Variants in PDE6C observed in about 807,000 individuals in gnomAD.
PDE6C encodes cone cGMP-specific 3',5'-cyclic phosphodiesterase subunit alpha'.
In PDE6C, 75 loss-of-function variants were observed where a neutral mutation model predicts 113.1. That is an observed-to-expected ratio of 0.66 (90% CI 0.55 to 0.80). PDE6C has a LOEUF of 0.80. Ranked by LOEUF, PDE6C falls within the 30% of genes least tolerant of loss-of-function variation. The pLI is 0.00. For missense variants in PDE6C, 912 were observed against 1,038.6 expected (o/e 0.88, Z 1.67); for synonymous variants, 375 against 363.7 (o/e 1.03, Z -0.35).
chr10:93,655,968 A>G (rs2058636173), intron 16 of PDE6C, 108 bp downstream of exon 16: 2 of 752,224 alleles, frequency 2.7e-6, no homozygotes, highest in East Asian at 2.5e-5. Context: ...ACACACATAC[A>G]CACACACAGA....
chr10:93,623,624 T>C (rs1023611672), intron 4 of PDE6C, among the ~76,000 whole-genome samples: 5 of 152,218 alleles, frequency 3.3e-5, no homozygotes, highest in Admixed American at 3.3e-4. Context: ...CCATTTTGAG[T>C]TATTTTTTGT....
Position 93,658,888 on chromosome 10 carries a change from G to C in PDE6C, c.2037-13G>C, listed in dbSNP as rs765202218. On this transcript the variant is annotated splice_polypyrimidine_tract_variant and intron_variant, in intron 16 of 21. Coordinates refer to ENST00000371447, the MANE Select transcript of PDE6C (RefSeq NM_006204.4). ...TAAGCTAAAATTGTTGCTCACAGCTGTATCTTTTCTAGGAAGAGGACCATG... is the reference window on the plus strand; with the variant it reads ...TAAGCTAAAATTGTTGCTCACAGCTCTATCTTTTCTAGGAAGAGGACCATG... The C allele has an allele frequency of 2.2e-5, 33 of 1,502,084 alleles. No individual in the cohort carries two copies. The highest frequency in any genetic ancestry group is 3.1e-5 in the Non-Finnish European group (33 of 1,078,576). 93.0% of individuals were successfully genotyped at this position (1,502,084 alleles called of 1,614,324 possible).
intron 15 of PDE6C, among the ~76,000 whole-genome samples, chr10:93,652,558 A>G (rs1478438391): frequency 2.0e-5 from 3 of 152,214 alleles, no homozygotes; most frequent in Non-Finnish European, 2.9e-5. Context: ...TCATTATATC[A>G]ATTTTTAAAA....
rs758831935 is a variant in PDE6C at position 93,612,770 on chromosome 10, G to A, written c.45G>A (p.Glu15=). The A allele has an allele frequency of 4.3e-5, 70 of 1,614,054 alleles. No homozygotes were observed. Among genetic ancestry groups the A allele is most frequent in the Middle Eastern group, 1.7e-4 (1 of 6,048 alleles). The change falls in exon 1 of 22, where the codon GAG becomes GAA. Residue 15 remains glutamate (E), a synonymous_variant. Transcript: ENST00000371447. Reference sequence around the variant, plus strand: ...TTGCCGTGGAGAAATACCTGGAGGAGAACCCTCAGTTTGCCAAGGAGTACT... The same window carrying A: ...TTGCCGTGGAGAAATACCTGGAGGAAAACCCTCAGTTTGCCAAGGAGTACT... ...NQVAVEKYLE[E]NPQFAKEYFD...
chr10:93,656,859 G>A (rs1471924860), intron 16 of PDE6C, among the ~76,000 whole-genome samples: 3 of 152,080 alleles, frequency 2.0e-5, no homozygotes, highest in African/African-American at 7.2e-5. Context: ...GTGAGCCGTT[G>A]CACTGGGCCT....
chr10:93,662,427 C>A (rs2058670086), intron 19 of PDE6C, 133 bp from the exon 20 acceptor site: 1 of 564,758 alleles, frequency 1.8e-6, no homozygotes. Context: ...TGTGGCACTG[C>A]ACCCAGACTG....
intron 4 of PDE6C, among the ~76,000 whole-genome samples, chr10:93,622,639 G>GTTTTTTTTTT (rs67350128): frequency 2.6e-4 from 30 of 113,982 alleles, no homozygotes; most frequent in South Asian, 1.6e-3. Context: ...GTAGCCACAG[G>GTTTTTTTTTT]TTTTTTTTTT....
rs1249601113 is a variant in PDE6C, at chr10:93,629,210, G to T, written c.1072-48G>T. 8 of 1,398,792 alleles carry T rather than the reference G, an allele frequency of 5.7e-6. No homozygotes were observed. The East Asian group carries it at 1.8e-4, about 32-fold the overall frequency. 86.6% of individuals were successfully genotyped at this position (1,398,792 alleles called of 1,614,324 possible). A position where few individuals can be genotyped will look rare whatever the true frequency, so the allele number is the denominator to read the frequency against. On this transcript the variant is annotated intron_variant, in intron 7 of 21. Transcript: ENST00000371447. ...TTATTCTGCTTTGTGGATCAAGAGG[G>T]CTCCACTACACAATATTTCAGACCA...
chr10:93,651,812 A>G (rs566394901), intron 15 of PDE6C, among the ~76,000 whole-genome samples: 24 of 152,194 alleles, frequency 1.6e-4, no homozygotes, highest in African/African-American at 5.3e-4. Context: ...TCAGAAGTCA[A>G]TACAAATGTA....
At chr10:93,662,412 G>A (rs2058669953) in intron 19 of PDE6C, 148 bp from the exon 20 acceptor site, 4 of 608,150 alleles carry the variant, frequency 6.6e-6, no homozygotes, top group South Asian at 1.9e-5. Flanking sequence ...GCAGTGAGCC[G>A]AGATTGTGGC....
chr10:93,613,711 C>T (rs140633331), intron 1 of PDE6C, among the ~76,000 whole-genome samples: 455 of 152,286 alleles, frequency 3.0e-3, no homozygotes, highest in African/African-American at 9.9e-3. Context: ...TTTCATCTAT[C>T]GACCAAATGT....
At chr10:93,614,277 G>T (rs1238121488) in intron 1 of PDE6C, among the ~76,000 whole-genome samples, 1 of 152,170 alleles carries the variant, frequency 6.6e-6, no homozygotes, top group Non-Finnish European at 1.5e-5. Context: ...TGATTATAGG[G>T]GGAGGGTCAC....
intron 14 of PDE6C, among the ~76,000 whole-genome samples, chr10:93,644,192 C>T (rs918126011): frequency 6.6e-6 from 1 of 152,120 alleles, no homozygotes; most frequent in African/African-American, 2.4e-5. Flanking sequence ...GTCAAGAAGC[C>T]CATGATATCA....
chr10:93,659,334 A>T (rs1269306769), intron 18 of PDE6C, among the ~76,000 whole-genome samples, 167 bp downstream of exon 18: 1 of 152,138 alleles, frequency 6.6e-6, no homozygotes, highest in East Asian at 1.9e-4. Context: ...AAATAGAAGG[A>T]ACTTTGGAAG....
chr10:93,624,501 G>A (rs1248351745), intron 4 of PDE6C, among the ~76,000 whole-genome samples: 1 of 152,204 alleles, frequency 6.6e-6, no homozygotes, highest in African/African-American at 2.4e-5. Context: ...GCCTCTCAAA[G>A]TGCTGGGATT....
intron 14 of PDE6C, among the ~76,000 whole-genome samples, chr10:93,641,285 C>G (rs1459361942): frequency 6.6e-6 from 1 of 152,114 alleles, no homozygotes; most frequent in Non-Finnish European, 1.5e-5. Context: ...TATAGGCCTT[C>G]AGGCTTTCTT....
In PDE6C at chr10:93,665,465, A is replaced by G; in HGVS notation, c.*47A>G. On this transcript the variant is annotated 3_prime_UTR_variant, in exon 22 of 22. Transcript: ENST00000371447. ...TTCAAATATCATTTTACCTTTGAAGAAAACCAGAAAACATTCAAAAGAACT... is the reference window on the plus strand; with the variant it reads ...TTCAAATATCATTTTACCTTTGAAGGAAACCAGAAAACATTCAAAAGAACT... 1.7e-6 allele frequency: 2 copies of G among 1,199,194 alleles called. No homozygotes were observed. Among genetic ancestry groups the G allele is most frequent in the Non-Finnish European group, 2.5e-6 (2 of 802,568 alleles). 74.3% of individuals were successfully genotyped at this position (1,199,194 alleles called of 1,614,324 possible).
At chr10:93,654,790 CTTTCTTTCTTTCTTTCTTTCTTTT>C (rs2058626925) in intron 15 of PDE6C, among the ~76,000 whole-genome samples, 1 of 69,062 alleles carries the variant, frequency 1.4e-5, no homozygotes, top group African/African-American at 4.8e-5. Context: ...TTCTTTCTTT[CTTTCTTTCTTTCTTTCTTTCTTTT>C]TTTTTTTTTT....
Position 93,612,895 on chromosome 10 carries a change from A to G in PDE6C, c.170A>G (p.Glu57Gly), listed in dbSNP as rs1490835026. 6.2e-7 allele frequency: 1 copy of G among 1,613,924 alleles called. No individual in the cohort carries two copies. Among genetic ancestry groups the G allele is most frequent in the Non-Finnish European group, 8.5e-7 (1 of 1,180,026 alleles). The change falls in exon 1 of 22, where the codon GAG becomes GGG. Residue 57 changes from glutamate to glycine, a missense_variant. Physicochemically the swap from Glu to Gly is moderately conservative, Grantham distance 98. Transcript: ENST00000371447. ...SMSFSELTQV[E>G]ESALCLELLW... Reference sequence around the variant, plus strand: ...TCCTTCTCTGAGCTGACCCAGGTGGAGGAGTCAGCCCTGTGCTTGGAGCTG... The same window carrying G: ...TCCTTCTCTGAGCTGACCCAGGTGGGGGAGTCAGCCCTGTGCTTGGAGCTG...
Sources: gnomAD v4.1 joint callset for allele counts (sites outside exome capture counted in the v4.1 genomes callset) on GRCh38, gnomAD v4.1.1 for gene constraint, MANE v1.5 for transcripts, NCBI Gene and HGNC (gene_info 2026-07-23, HGNC 2026-07-21) for gene names.